The following SERGEF variants were observed in gnomAD, a reference collection of about 807,000 sequenced individuals.
The protein encoded by SERGEF is secretion regulating guanine nucleotide exchange factor, also known as secretion-regulating guanine nucleotide exchange factor.
A neutral mutation model predicts 50.0 loss-of-function variants in SERGEF; 51 were observed. The ratio of observed to expected loss-of-function variants is 1.02; its 90% confidence interval spans 0.81 to 1.29. The LOEUF is 1.29. SERGEF is among the 50% of genes most tolerant of loss of function. The probability of loss-of-function intolerance (pLI) is 0.00; values close to 1 mark genes in which losing one functional copy is unlikely to be tolerated. For missense variants in SERGEF, 521 were observed against 557.0 expected (o/e 0.94, Z 0.65); for synonymous variants, 205 against 212.4 (o/e 0.97, Z 0.30).
intron 9 of SERGEF, among the ~76,000 whole-genome samples, chr11:17,920,234 G>A (rs12273244): frequency 0.018 from 2,737 of 152,238 alleles, 97 homozygotes; most frequent in African/African-American, 0.064. Context: ...GCAATAGAGC[G>A]AGACTCTGTC....
intron 1 of SERGEF, 93 bp downstream of exon 1, chr11:18,012,858 G>C (rs1308477590): frequency 1.0e-5 from 15 of 1,430,900 alleles, no homozygotes; most frequent in African/African-American, 1.4e-5. Context: ...GACCTCAGCC[G>C]CCCAGCCCCT....
chr11:17,818,930 G>A (rs540249588), intron 10 of SERGEF, among the ~76,000 whole-genome samples: 3 of 152,258 alleles, frequency 2.0e-5, no homozygotes, highest in African/African-American at 7.2e-5. Context: ...CTCCAAAGGA[G>A]GGAAACTCCT....
Position 17,845,892 on chromosome 11 carries a change from T to C in SERGEF, c.1048+32316A>G, listed in dbSNP as rs1294842158. 3.3e-5 allele frequency among the ~76,000 whole-genome samples: 5 copies of C among 152,324 alleles called. No individual in the cohort carries two copies. The South Asian group carries it at 6.2e-4, about 19-fold the overall frequency. On this transcript the variant is annotated intron_variant, in intron 10 of 10. Coordinates refer to ENST00000265965, the MANE Select transcript of SERGEF (RefSeq NM_012139.4). ...TTCTGATAGTCACCAGGTGATTAAG[T>C]TCTGGAAGGGCAGGAACTATCTGTC...
At chr11:17,810,259 A>G (rs546023904) in intron 10 of SERGEF, among the ~76,000 whole-genome samples, 21 of 152,138 alleles carry the variant, frequency 1.4e-4, no homozygotes, top group Non-Finnish European at 2.8e-4. Flanking sequence ...TGTATCCCAC[A>G]CAAACCCTGT....
chr11:17,963,278 G>A (rs949427607), intron 8 of SERGEF, among the ~76,000 whole-genome samples: 4 of 147,272 alleles, frequency 2.7e-5, no homozygotes, highest in Admixed American at 6.8e-5. Context: ...TTGCCAGGCT[G>A]GGGCCAGCCA....
chr11:17,867,846 AC>A (rs1851062205), intron 10 of SERGEF, among the ~76,000 whole-genome samples: 1 of 152,168 alleles, frequency 6.6e-6, no homozygotes, highest in South Asian at 2.1e-4. Context: ...TGAGGCTTGT[AC>A]CCACTGAAGC....
chr11:17,918,736 G>C (rs1166341570), intron 9 of SERGEF: 1 of 450,992 alleles, frequency 2.2e-6, no homozygotes. Flanking sequence ...TTAGGACCTG[G>C]ACATCAGGGA....
chr11:17,903,244 C>A (rs1470431338), intron 9 of SERGEF, among the ~76,000 whole-genome samples: 1 of 152,198 alleles, frequency 6.6e-6, no homozygotes, highest in African/African-American at 2.4e-5. Flanking sequence ...AACCCCTGGA[C>A]TGTGACTCAC....
chr11:18,002,618 C>T (rs1273619748), intron 4 of SERGEF, among the ~76,000 whole-genome samples: 1 of 152,142 alleles, frequency 6.6e-6, no homozygotes, highest in Non-Finnish European at 1.5e-5. Context: ...CTCTTCTCAC[C>T]CCACCTTCCC....
chr11:17,978,070 C>A (rs1853414616), intron 8 of SERGEF, among the ~76,000 whole-genome samples: 1 of 152,136 alleles, frequency 6.6e-6, no homozygotes. Context: ...GTCTGCTTTG[C>A]TTTCTAACTA....
intron 10 of SERGEF, among the ~76,000 whole-genome samples, chr11:17,874,938 A>C (rs1377668662): frequency 6.6e-6 from 1 of 152,166 alleles, no homozygotes; most frequent in Non-Finnish European, 1.5e-5. Flanking sequence ...ATAGAATAAT[A>C]ATAATAGCAG....
chr11:17,956,638 G>T (rs1039217362), intron 9 of SERGEF, among the ~76,000 whole-genome samples: 1 of 151,990 alleles, frequency 6.6e-6, no homozygotes, highest in Admixed American at 6.6e-5. Context: ...CTCCTGCTTG[G>T]CTATCCTTCT....
At chr11:17,959,378 A>C (rs1195956250) in intron 9 of SERGEF, 92 bp downstream of exon 9, 4 of 1,197,240 alleles carry the variant, frequency 3.3e-6, no homozygotes, top group Non-Finnish European at 2.4e-6. Flanking sequence ...GTACCTATCC[A>C]TAACGCCTGG....
chr11:17,817,653 A>G (rs1335964250), intron 10 of SERGEF, among the ~76,000 whole-genome samples: 1 of 152,248 alleles, frequency 6.6e-6, no homozygotes, highest in Non-Finnish European at 1.5e-5. Flanking sequence ...TAAGTGGTAG[A>G]GCTGGGATTC....
At chr11:17,927,311 T>C (rs759591958) in intron 9 of SERGEF, among the ~76,000 whole-genome samples, 3 of 152,116 alleles carry the variant, frequency 2.0e-5, no homozygotes, top group Non-Finnish European at 2.9e-5. Flanking sequence ...CCTGGTGTCA[T>C]AGAGAGGCTC....
At chr11:17,957,616 C>T (rs776055559) in intron 9 of SERGEF, among the ~76,000 whole-genome samples, 16 of 152,032 alleles carry the variant, frequency 1.1e-4, no homozygotes, top group Non-Finnish European at 1.6e-4. Flanking sequence ...CAACTTCTGC[C>T]AAACACAATC....
intron 10 of SERGEF, among the ~76,000 whole-genome samples, chr11:17,793,020 G>A (rs774496363): frequency 6.6e-6 from 1 of 152,150 alleles, no homozygotes; most frequent in African/African-American, 2.4e-5. Context: ...TATGGACTAC[G>A]CTATGCTGTC....
intron 10 of SERGEF, among the ~76,000 whole-genome samples, chr11:17,815,299 A>G (rs1323283688): frequency 1.3e-5 from 2 of 152,086 alleles, no homozygotes; most frequent in Non-Finnish European, 2.9e-5. Flanking sequence ...GGGTTTCATC[A>G]CTTTTAAAAA....
chr11:17,880,710 A>G (rs1851320479), intron 9 of SERGEF, among the ~76,000 whole-genome samples: 1 of 152,200 alleles, frequency 6.6e-6, no homozygotes, highest in South Asian at 2.1e-4. Flanking sequence ...CCACAGAGAA[A>G]AAAACCCACC....
Sources: allele counts gnomAD v4.1 joint callset (sites outside exome capture counted in the v4.1 genomes callset), GRCh38; gene constraint gnomAD v4.1.1; transcripts MANE v1.5; gene names NCBI Gene and HGNC (gene_info 2026-07-23, HGNC 2026-07-21).